DLGAP2: variants seen among roughly 807,000 people sequenced by gnomAD.
DLGAP2 encodes disks large-associated protein 2.
In DLGAP2, 26 loss-of-function variants were observed where a neutral mutation model predicts 100.3. The ratio of observed to expected loss-of-function variants is 0.26; its 90% CI spans 0.19 to 0.36. The LOEUF (loss-of-function observed/expected upper bound fraction) is 0.36. Among genes scored for constraint, DLGAP2 ranks in the 10% least tolerant of loss-of-function variants. The pLI is 1.00. For missense variants in DLGAP2, 1,858 were observed against 1,453.2 expected (o/e 1.28, Z -4.53); for synonymous variants, 886 against 630.1 (o/e 1.41, Z -6.08).
intron 2 of DLGAP2, among the ~76,000 whole-genome samples, chr8:1,028,582 G>A (rs1403804693): frequency 3.3e-5 from 5 of 152,218 alleles, no homozygotes; most frequent in Non-Finnish European, 5.9e-5. Context: ...GATGTGCCAG[G>A]CGTGGCTGCC....
intron 2 of DLGAP2, among the ~76,000 whole-genome samples, chr8:1,170,046 A>G (rs1423185934): frequency 6.6e-6 from 1 of 151,974 alleles, no homozygotes; most frequent in Non-Finnish European, 1.5e-5. Flanking sequence ...TATTATTTTG[A>G]GATACGTCCC....
chr8:1,623,436 C>G (rs1301671404), intron 6 of DLGAP2, among the ~76,000 whole-genome samples: 2 of 152,052 alleles, frequency 1.3e-5, no homozygotes, highest in African/African-American at 2.4e-5. Context: ...GACCTGACAC[C>G]AGTGCATCAT....
chr8:1,225,543 C>T (rs1240781128), intron 2 of DLGAP2, among the ~76,000 whole-genome samples: 3 of 152,338 alleles, frequency 2.0e-5, no homozygotes, highest in South Asian at 2.1e-4. Context: ...AATGCCACTA[C>T]ATGGATCCCG....
intron 2 of DLGAP2, among the ~76,000 whole-genome samples, chr8:980,372 A>C (rs924415135): frequency 1.3e-5 from 2 of 152,232 alleles, no homozygotes; most frequent in Non-Finnish European, 2.9e-5. Context: ...GCAAAAGCTC[A>C]GCAGTGCGTA....
At chr8:1,358,462 C>CA (rs1491397951) in intron 3 of DLGAP2, among the ~76,000 whole-genome samples, 1 of 152,144 alleles carries the variant, frequency 6.6e-6, no homozygotes, top group Non-Finnish European at 1.5e-5. Flanking sequence ...TCTCCACACT[C>CA]ACAGACGTAA....
chr8:1,067,856 C>T (rs574663651), intron 2 of DLGAP2, among the ~76,000 whole-genome samples: 1 of 152,116 alleles, frequency 6.6e-6, no homozygotes, highest in South Asian at 2.1e-4. Context: ...GGCATTGTCA[C>T]TGCACAGGTT....
chr8:1,370,626 G>A (rs62484160), intron 3 of DLGAP2, among the ~76,000 whole-genome samples: 6 of 152,212 alleles, frequency 3.9e-5, no homozygotes, highest in South Asian at 4.1e-4. Flanking sequence ...CAGGGAGCAC[G>A]GGGAGCTGTC....
Position 760,769 on chromosome 8 carries a change from A to G in DLGAP2, c.18+22944A>G, listed in dbSNP as rs568148617. ...GCGAGCGCCTCCGATTGGGAGTTGC[A>G]CGCATGCACCTGCTGCTTCCACAGG... On this transcript the variant is annotated intron_variant, in intron 1 of 14. Coordinates refer to ENST00000637795, the MANE Select transcript of DLGAP2 (RefSeq NM_001346810.2). 1.1e-4 allele frequency among the ~76,000 whole-genome samples: 16 copies of G among 152,218 alleles called. No homozygotes were observed. The East Asian group carries it at 3.1e-3, about 30-fold the overall frequency.
intron 2 of DLGAP2, among the ~76,000 whole-genome samples, chr8:1,172,538 G>C (rs1046003537): frequency 7.9e-5 from 12 of 152,056 alleles, no homozygotes; most frequent in African/African-American, 2.7e-4. Flanking sequence ...ACGTAGATTT[G>C]GTCTTTTCAC....
chr8:1,054,268 A>G (rs1802811272), intron 2 of DLGAP2, among the ~76,000 whole-genome samples: 1 of 151,996 alleles, frequency 6.6e-6, no homozygotes, highest in South Asian at 2.1e-4. Flanking sequence ...ACGCACACAC[A>G]CGGACACACA....
intron 2 of DLGAP2, among the ~76,000 whole-genome samples, chr8:1,162,250 C>G (rs915946433): frequency 1.3e-5 from 2 of 152,186 alleles, no homozygotes; most frequent in African/African-American, 4.8e-5. Context: ...TTATTCATTT[C>G]ACAAATATTT....
chr8:1,123,952 C>G (rs1164835736), intron 2 of DLGAP2, among the ~76,000 whole-genome samples: 1 of 152,122 alleles, frequency 6.6e-6, no homozygotes, highest in South Asian at 2.1e-4. Flanking sequence ...TCAGGTTGCT[C>G]CCCAGAGCAG....
At chr8:1,098,251 T>C (rs760533103) in intron 2 of DLGAP2, among the ~76,000 whole-genome samples, 11 of 152,220 alleles carry the variant, frequency 7.2e-5, no homozygotes, top group Non-Finnish European at 7.3e-5. Context: ...TCCAAAAATA[T>C]GTTTACAATT....
chr8:915,294 TC>T (rs1453363527), intron 2 of DLGAP2, among the ~76,000 whole-genome samples: 1 of 152,192 alleles, frequency 6.6e-6, no homozygotes, highest in Non-Finnish European at 1.5e-5. Flanking sequence ...ACGCCTGTAA[TC>T]CCAGCGCTTT....
Position 809,055 on chromosome 8 carries a change from C to T in DLGAP2, c.18+71230C>T, listed in dbSNP as rs143487166. Among the ~76,000 whole-genome samples, 502 of 152,094 alleles carry T rather than the reference C, an allele frequency of 3.3e-3. 4 individuals are homozygous for T. Among genetic ancestry groups the T allele is most frequent in the African/African-American group, 0.012 (478 of 41,484 alleles). ...CCAAGTAGCTGAGATTACAGGTGTG[C>T]ACCACCACGCCTGGCTAATTTTTTT... On this transcript the variant is annotated intron_variant, in intron 1 of 14. Coordinates refer to ENST00000637795, the MANE Select transcript of DLGAP2 (RefSeq NM_001346810.2).
At chr8:1,212,773 A>AC (rs1212043694) in intron 2 of DLGAP2, among the ~76,000 whole-genome samples, 1 of 70,218 alleles carries the variant, frequency 1.4e-5, no homozygotes, top group Non-Finnish European at 2.6e-5. Flanking sequence ...CCCCCCGCCC[A>AC]CCCCCCATGA....
At chr8:959,527 G>A (rs1049925164) in intron 2 of DLGAP2, among the ~76,000 whole-genome samples, 3 of 152,222 alleles carry the variant, frequency 2.0e-5, no homozygotes, top group Admixed American at 6.5e-5. Flanking sequence ...GGGCAGCCTT[G>A]TGCAACAGAA....
At chr8:1,407,821 G>C (rs1796612558) in intron 3 of DLGAP2, among the ~76,000 whole-genome samples, 1 of 149,728 alleles carries the variant, frequency 6.7e-6, no homozygotes, top group African/African-American at 2.4e-5. Flanking sequence ...AGTGCTTACT[G>C]AGCGCCACCT....
At chr8:1,229,899 C>T (rs1046158428) in intron 2 of DLGAP2, among the ~76,000 whole-genome samples, 1 of 152,044 alleles carries the variant, frequency 6.6e-6, no homozygotes, top group Non-Finnish European at 1.5e-5. Context: ...TATGACAAAC[C>T]CACAGCCAAC....
Sources: gnomAD v4.1 joint callset for allele counts (sites outside exome capture counted in the v4.1 genomes callset) on GRCh38, gnomAD v4.1.1 for gene constraint, MANE v1.5 for transcripts, NCBI Gene and HGNC (gene_info 2026-07-23, HGNC 2026-07-21) for gene names.